The following IDO2 variants were observed in gnomAD, a reference collection of about 807,000 sequenced individuals.
IDO2 encodes the protein indoleamine 2,3-dioxygenase-like 1 protein.
Under a neutral mutation model 45.1 loss-of-function variants are expected in IDO2, and 46 were observed. The ratio of observed to expected loss-of-function variants is 1.02; its 90% CI spans 0.80 to 1.30. IDO2 has a LOEUF of 1.30. Ranked by LOEUF, IDO2 falls within the 50% of genes most tolerant of loss-of-function variation. The pLI is 0.00. For synonymous variants in IDO2, 218 were observed against 184.9 expected (o/e 1.18, Z -1.45); for missense variants, 544 against 491.8 (o/e 1.11, Z -1.00).
chr8:39,983,730 G>A (rs1808385402), intron 5 of IDO2, among the ~76,000 whole-genome samples: 1 of 152,140 alleles, frequency 6.6e-6, no homozygotes, highest in Admixed American at 6.5e-5. Flanking sequence ...GCCGGGCATG[G>A]TGGCACATAC....
At chr8:39,950,051 C>A (rs1447632541) in intron 2 of IDO2, among the ~76,000 whole-genome samples, 1 of 152,154 alleles carries the variant, frequency 6.6e-6, no homozygotes, top group African/African-American at 2.4e-5. Flanking sequence ...CTTTTACAGA[C>A]CATCAGGTGT....
At position 40,013,596 on chromosome 8, in the gene IDO2, C is replaced by A. The variant is rs112531017; in HGVS notation, c.751C>A (p.Leu251Met). 4.5e-4 allele frequency: 719 copies of A among 1,613,796 alleles called. 13 individuals are homozygous for A. In the Middle Eastern group the frequency reaches 0.012, roughly 28 times the overall value. ...AGACAACCCAGCAATGCCTGCAGGG[C>A]TGATGTATGAAGGAGTTTCCCAAGA... Residue 251 changes from leucine to methionine, a missense_variant, in exon 10 of 11, where the codon CTG becomes ATG. Transcript: ENST00000502986.
intron 2 of IDO2, among the ~76,000 whole-genome samples, chr8:39,951,360 G>A (rs905100528): frequency 6.7e-6 from 1 of 148,170 alleles, no homozygotes; most frequent in African/African-American, 2.5e-5. Flanking sequence ...GGAATGGACC[G>A]GACTGTTTCC....
chr8:39,963,885 T>A (rs1808039208), intron 3 of IDO2, among the ~76,000 whole-genome samples, 182 bp downstream of exon 3: 1 of 152,186 alleles, frequency 6.6e-6, no homozygotes, highest in African/African-American at 2.4e-5. Context: ...GATACATGTG[T>A]TTTCCTAAGG....
intron 2 of IDO2, among the ~76,000 whole-genome samples, chr8:39,962,451 A>C (rs566719007): frequency 2.0e-5 from 3 of 152,138 alleles, no homozygotes; most frequent in Non-Finnish European, 4.4e-5. Context: ...GAAAGGGAAA[A>C]TTCATATATT....
chr8:39,958,314 G>A (rs570073485), intron 2 of IDO2, among the ~76,000 whole-genome samples: 73 of 97,748 alleles, frequency 7.5e-4, no homozygotes, highest in African/African-American at 2.7e-3. Flanking sequence ...CGATTCTCCC[G>A]CCTCTGCCTC....
At chr8:39,938,286 T>TTCTCTA (rs371043554) in intron 1 of IDO2, among the ~76,000 whole-genome samples, 6 of 65,484 alleles carry the variant, frequency 9.2e-5, no homozygotes, top group South Asian at 3.7e-4. Flanking sequence ...CTACAAAAAA[T>TTCTCTA]TCTCTATCTA....
chr8:39,975,159 G>GTTTTTTTTTTTTTTTTTTTT (rs368341548), intron 3 of IDO2, among the ~76,000 whole-genome samples: 1 of 142,518 alleles, frequency 7.0e-6, no homozygotes. Flanking sequence ...CAACATTGGA[G>GTTTTTTTTTTTTTTTTTTTT]TTTTTTTTTT....
chr8:40,004,537 A>AGATAGATAGAT (rs1554549483), intron 8 of IDO2, among the ~76,000 whole-genome samples: 1 of 151,338 alleles, frequency 6.6e-6, no homozygotes, highest in East Asian at 1.9e-4. Context: ...ATAGATAGAT[A>AGATAGATAGAT]GATAGATAGA....
chr8:39,985,414 C>A, intron 5 of IDO2, 94 bp from the exon 6 acceptor site: 1 of 1,087,534 alleles, frequency 9.2e-7, no homozygotes, highest in Non-Finnish European at 1.4e-6. Flanking sequence ...GGACATGTGA[C>A]CCTAGAAGTT....
rs35720120 is a variant in IDO2, at chr8:39,999,276, C to CTTTTTT, written c.668-6035_668-6030dup. Among the ~76,000 whole-genome samples, 388 of 78,418 alleles carry CTTTTTT rather than the reference C, an allele frequency of 4.9e-3. 9 individuals are homozygous for CTTTTTT. Among genetic ancestry groups the CTTTTTT allele is most frequent in the African/African-American group, 0.013 (265 of 19,828 alleles). The allele number at this position is 78,418 out of a possible 152,430, so 51.4% of individuals were successfully genotyped here. ...GGCCTTGGGCTTCATTCTGCTGCTG[C>CTTTTTT]TTTTTTTTTTTTTTTTTTTTTGAGA... On this transcript the variant is annotated intron_variant, in intron 8 of 10. Coordinates refer to ENST00000502986, the Ensembl canonical transcript of IDO2.
chr8:39,989,148 C>T (rs886096839), intron 7 of IDO2, among the ~76,000 whole-genome samples: 12 of 152,228 alleles, frequency 7.9e-5, no homozygotes, highest in East Asian at 3.9e-4. Flanking sequence ...AACCTCTTCA[C>T]GAGGCAGCAG....
intron 3 of IDO2, among the ~76,000 whole-genome samples, chr8:39,971,393 T>C (rs1563431118): frequency 1.3e-5 from 2 of 152,350 alleles, no homozygotes; most frequent in East Asian, 3.9e-4. Context: ...AGAGCTCTAC[T>C]GGAGATATAC....
chr8:39,963,556 G>A, intron 2 of IDO2, 52 bp from the exon 3 acceptor site: 1 of 1,031,872 alleles, frequency 9.7e-7, no homozygotes, highest in Admixed American at 2.3e-5. Context: ...ACTCTCGGAA[G>A]CCCCTTTCCA....
chr8:39,970,747 G>A (rs917140114), intron 3 of IDO2, among the ~76,000 whole-genome samples: 86 of 144,628 alleles, frequency 5.9e-4, no homozygotes, highest in Non-Finnish European at 1.0e-3. Context: ...TTTATTGGAA[G>A]AAGATTCCAA....
At chr8:40,004,834 C>G (rs1172045528) in intron 8 of IDO2, among the ~76,000 whole-genome samples, 3 of 152,182 alleles carry the variant, frequency 2.0e-5, no homozygotes, top group African/African-American at 4.8e-5. Context: ...GCTAAGTGAA[C>G]CTGTCTCTGA....
chr8:39,963,391 A>C (rs898206839), intron 2 of IDO2, among the ~76,000 whole-genome samples: 1 of 152,186 alleles, frequency 6.6e-6, no homozygotes, highest in African/African-American at 2.4e-5. Context: ...CATATATCTG[A>C]CTAATGTGTT....
At chr8:39,979,817 G>A (rs1242429327) in intron 4 of IDO2, among the ~76,000 whole-genome samples, 1 of 152,014 alleles carries the variant, frequency 6.6e-6, no homozygotes, top group Non-Finnish European at 1.5e-5. Context: ...TGCATTTGAA[G>A]GCAGATTGCC....
chr8:39,998,734 C>T (rs1031376168), intron 8 of IDO2, among the ~76,000 whole-genome samples: 3 of 150,230 alleles, frequency 2.0e-5, no homozygotes, highest in Admixed American at 6.7e-5. Flanking sequence ...TGTGCCTCCC[C>T]GGTTCAAGCA....
Sources: gnomAD v4.1 joint callset for allele counts (sites outside exome capture counted in the v4.1 genomes callset) on GRCh38, gnomAD v4.1.1 for gene constraint, MANE v1.5 for transcripts, NCBI Gene and HGNC (gene_info 2026-07-23, HGNC 2026-07-21) for gene names.